The following CFAP54 variants were observed in gnomAD, a reference collection of about 807,000 sequenced individuals.
The protein encoded by CFAP54 is cilia and flagella associated protein 54, also known as cilia- and flagella-associated protein 54.
Under a neutral mutation model 370.4 loss-of-function variants are expected in CFAP54, and 290 were observed. The observed-to-expected ratio is 0.78, with a 90% confidence interval of 0.71 to 0.86. The LOEUF (loss-of-function observed/expected upper bound fraction) is 0.86, where lower values mean the gene tolerates loss of function less well. Among genes scored for constraint, CFAP54 ranks in the 40% least tolerant of loss-of-function variants. The probability of loss-of-function intolerance (pLI) is 0.00; values close to 1 mark genes in which losing one functional copy is unlikely to be tolerated. For synonymous variants in CFAP54, 1,206 were observed against 1,236.5 expected (o/e 0.98, Z 0.52); for missense variants, 3,399 against 3,528.7 (o/e 0.96, Z 0.93).
intron 66 of CFAP54, among the ~76,000 whole-genome samples, chr12:96,835,546 A>G (rs1214206936): frequency 6.6e-6 from 1 of 152,074 alleles, no homozygotes; most frequent in Non-Finnish European, 1.5e-5. Context: ...GCTGCCATTC[A>G]TTACATGCAG....
chr12:96,686,090 T>C (rs1331365069), intron 42 of CFAP54, among the ~76,000 whole-genome samples: 3 of 152,188 alleles, frequency 2.0e-5, no homozygotes, highest in Non-Finnish European at 4.4e-5. Flanking sequence ...ACAGACTGGG[T>C]GGCTTAAACA....
chr12:96,793,042 T>A, intron 63 of CFAP54, among the ~76,000 whole-genome samples: 1 of 152,212 alleles, frequency 6.6e-6, no homozygotes. Flanking sequence ...ACTATTCTTT[T>A]TTAAATTTTA....
At chr12:96,804,924 G>T (rs1394674507) in intron 63 of CFAP54, among the ~76,000 whole-genome samples, 1 of 152,002 alleles carries the variant, frequency 6.6e-6, no homozygotes, top group Admixed American at 6.6e-5. Context: ...AGACTAGAGA[G>T]CCCAGAAGTA....
Position 96,798,338 on chromosome 12 carries a change from G to A in CFAP54, c.8850+5839G>A, listed in dbSNP as rs142588222. On this transcript the variant is annotated intron_variant, in intron 63 of 67. Transcript: ENST00000524981. The stretch of plus-strand genomic sequence containing the variant: ...TTCCAATTTTTGATTGCCTGTACAT[G>A]TCATTATTTTACATTTATTTGTAAA... Among the ~76,000 whole-genome samples the A allele has an allele frequency of 3.7e-3, 561 of 152,030 alleles. 3 individuals are homozygous for A. The highest frequency in any genetic ancestry group is 0.013 in the African/African-American group (539 of 41,468).
chr12:96,630,536 A>G lies in CFAP54; in HGVS notation c.4216-15A>G, dbSNP rs1270394467. ...GTTTAAATTTAACTTGTAACATTTT[A>G]TCTCCTCTATTAAGAGTGCAGAAAT... On this transcript the variant is annotated splice_polypyrimidine_tract_variant and intron_variant, in intron 31 of 67. Coordinates refer to ENST00000524981, the MANE Select transcript of CFAP54 (RefSeq NM_001306084.2). 4 of 1,290,162 alleles carry G rather than the reference A, an allele frequency of 3.1e-6. No individual in the cohort carries two copies. The highest frequency in any genetic ancestry group is 4.1e-6 in the Non-Finnish European group (4 of 967,522). The allele number at this position is 1,290,162 out of a possible 1,614,324, so 79.9% of individuals were successfully genotyped here.
chr12:96,874,647 T>A (rs1249052277), intron 67 of CFAP54, among the ~76,000 whole-genome samples: 1 of 105,074 alleles, frequency 9.5e-6, no homozygotes, highest in Non-Finnish European at 1.9e-5. Context: ...TTTTTTTTTT[T>A]GAGACGGAGT....
intron 45 of CFAP54, among the ~76,000 whole-genome samples, chr12:96,696,598 T>A (rs934647265): frequency 6.6e-6 from 1 of 152,084 alleles, no homozygotes; most frequent in Non-Finnish European, 1.5e-5. Flanking sequence ...GAGAATTAAT[T>A]ATAGAATTTA....
intron 40 of CFAP54, among the ~76,000 whole-genome samples, chr12:96,683,460 T>G (rs1189271039): frequency 1.3e-5 from 2 of 152,248 alleles, no homozygotes; most frequent in Non-Finnish European, 2.9e-5. Context: ...TCAGAAATCA[T>G]GTACATTTAG....
At chr12:96,873,402 G>C (rs1387397497) in intron 67 of CFAP54, among the ~76,000 whole-genome samples, 1 of 152,214 alleles carries the variant, frequency 6.6e-6, no homozygotes, top group African/African-American at 2.4e-5. Flanking sequence ...ATTTGTTCAT[G>C]TAACTGAAGA....
In CFAP54 at chr12:96,564,678, A is replaced by G. The variant is rs774613506; in HGVS notation, c.2532A>G (p.Thr844=). The G allele has an allele frequency of 1.6e-6, 1 of 640,006 alleles. No homozygotes were observed. The highest frequency in any genetic ancestry group is 2.8e-5 in the East Asian group (1 of 35,888). The allele number at this position is 640,006 out of a possible 1,614,324, so 39.6% of individuals were successfully genotyped here. A position where few individuals can be genotyped will look rare whatever the true frequency, so the allele number is the denominator to read the frequency against. ...TAATGAATAAAATAAAGAAGAATAC[A>G]TTATCCAAAGCAATTTACTTAATGC... ...LNIMNKIKKN[T]LSKAIYLMQK... Residue 844 remains threonine, a synonymous_variant, in exon 19 of 68, where the codon ACA becomes ACG. Transcript: ENST00000524981.
Position 96,802,364 on chromosome 12 carries a change from C to T in CFAP54, c.8851-9372C>T, listed in dbSNP as rs148925390. Among the ~76,000 whole-genome samples the T allele has an allele frequency of 3.5e-3, 528 of 152,194 alleles. 4 individuals are homozygous for T. The highest frequency in any genetic ancestry group is 0.012 in the African/African-American group (497 of 41,520). ...GTTGGGCTATACCTTACTCTTGGGC[C>T]GAGTTCAAGGCCCACCCAGCTAAGG... On this transcript the variant is annotated intron_variant, in intron 63 of 67. Transcript: ENST00000524981.
intron 9 of CFAP54, among the ~76,000 whole-genome samples, chr12:96,527,675 C>T (rs1318549525): frequency 2.0e-5 from 3 of 151,700 alleles, no homozygotes; most frequent in African/African-American, 4.8e-5. Flanking sequence ...CTCAAGTGAT[C>T]CTCCCTTCTT....
intron 50 of CFAP54, 28 bp downstream of exon 50, chr12:96,720,593 A>T: frequency 1.4e-6 from 2 of 1,411,732 alleles, no homozygotes; most frequent in Non-Finnish European, 1.9e-6. Context: ...CAGGGGAGGG[A>T]TACCTTTGAA....
At chr12:96,496,826 T>G (rs1226236743) in intron 1 of CFAP54, among the ~76,000 whole-genome samples, 1 of 152,128 alleles carries the variant, frequency 6.6e-6, no homozygotes, top group Admixed American at 6.6e-5. Context: ...AGGAAAGAAA[T>G]AAATGTTAAC....
chr12:96,764,311 AG>A, intron 59 of CFAP54, 62 bp downstream of exon 59: 1 of 1,257,570 alleles, frequency 8.0e-7, no homozygotes, highest in Non-Finnish European at 1.1e-6. Context: ...CTGCCTTTAA[AG>A]AACACAATAT....
intron 66 of CFAP54, among the ~76,000 whole-genome samples, chr12:96,857,002 C>T (rs140088509): frequency 1.7e-3 from 261 of 152,168 alleles, no homozygotes; most frequent in African/African-American, 4.2e-3. Flanking sequence ...AATCATGGTG[C>T]GAGGGGAAGC....
At chr12:96,644,715 A>T (rs1956770337) in intron 33 of CFAP54, among the ~76,000 whole-genome samples, 2 of 152,172 alleles carry the variant, frequency 1.3e-5, no homozygotes, top group African/African-American at 4.8e-5. Context: ...AGTGCAAGGG[A>T]AATACCATAT....
chr12:96,679,530 A>G (rs1394688014), intron 39 of CFAP54, 70 bp from the exon 40 acceptor site: 16 of 1,472,216 alleles, frequency 1.1e-5, no homozygotes, highest in Non-Finnish European at 1.5e-5. Flanking sequence ...CTGAATTATA[A>G]ACTTGCTGGC....
At chr12:96,821,758 C>T (rs991953441) in intron 65 of CFAP54, among the ~76,000 whole-genome samples, 7 of 145,248 alleles carry the variant, frequency 4.8e-5, no homozygotes, top group Admixed American at 1.4e-4. Context: ...ATTCCATTGA[C>T]TAAATCTGCT....
Sources: gnomAD v4.1 joint callset for allele counts (sites outside exome capture counted in the v4.1 genomes callset) on GRCh38, gnomAD v4.1.1 for gene constraint, MANE v1.5 for transcripts, NCBI Gene and HGNC (gene_info 2026-07-23, HGNC 2026-07-21) for gene names.